LRRC51: variants seen among roughly 807,000 people sequenced by gnomAD.
LRRC51 encodes the protein leucine-rich repeat-containing protein 51.
Under a neutral mutation model 17.8 loss-of-function variants are expected in LRRC51, and 8 were observed. The ratio of observed to expected loss-of-function variants is 0.45; its 90% CI spans 0.26 to 0.81. LRRC51 has a LOEUF of 0.81. LRRC51 is among the 30% of genes least tolerant of loss of function. The pLI is 0.17. For synonymous variants in LRRC51, 92 were observed against 96.0 expected, an observed-to-expected ratio of 0.96 and a Z score of 0.24; for missense variants, 233 against 239.3, an observed-to-expected ratio of 0.97 and a Z score of 0.17.
intron 3 of LRRC51, chr11:72,089,402 G>T (rs1029606899): frequency 6.3e-6 from 9 of 1,433,932 alleles, no homozygotes; most frequent in Non-Finnish European, 8.3e-6. Context: ...GCCCCTGTTT[G>T]TTTTTTTTAA....
Position 72,095,470 on chromosome 11 carries a change from C to T in LRRC51, c.529C>T (p.Arg177Cys), listed in dbSNP as rs138915488. ...ADRTTAEVWK[R>C]MNIKPKKAWT... ...CCGCACCACAGCTGAAGTCTGGAAA[C>T]GCATGAACATCAAGCCCAAGAAGGC... Residue 177 changes from arginine to cysteine, a missense_variant, in exon 6 of 6, where the codon CGC (arginine) becomes TGC (cysteine). Physicochemically the swap from Arg to Cys is radical, Grantham distance 180. Coordinates refer to ENST00000289488, the MANE Select transcript of LRRC51 (RefSeq NM_145309.6). The T allele has an allele frequency of 2.2e-4, 349 of 1,614,078 alleles. 2 individuals carry two copies. The Middle Eastern group carries it at 9.9e-3, about 46-fold the overall frequency.
At chr11:72,081,085 T>G (rs1944149335) in intron 1 of LRRC51, among the ~76,000 whole-genome samples, 200 bp downstream of exon 1, 1 of 152,106 alleles carries the variant, frequency 6.6e-6, no homozygotes, top group Admixed American at 6.6e-5. Flanking sequence ...GAGGGAGGGA[T>G]AGGCGTTGAG....
intron 3 of LRRC51, chr11:72,089,449 T>C (rs1217953022): frequency 7.4e-7 from 1 of 1,354,866 alleles, no homozygotes; most frequent in South Asian, 1.3e-5. Flanking sequence ...GCTATCACAG[T>C]AGTTGATCAT....
intron 1 of LRRC51, 148 bp downstream of exon 1, chr11:72,081,033 A>G (rs141110694): frequency 6.5e-6 from 1 of 152,968 alleles, no homozygotes; most frequent in Admixed American, 6.5e-5. Context: ...ACAGCGAACA[A>G]GATACAACAC....
At chr11:72,092,615 A>ATTTGAGACT (rs1944924250) in intron 3 of LRRC51, among the ~76,000 whole-genome samples, 1 of 152,354 alleles carries the variant, frequency 6.6e-6, no homozygotes, top group South Asian at 2.1e-4. Flanking sequence ...TTAGCCTGAC[A>ATTTGAGACT]TTTGAGACTT....
chr11:72,085,517 A>G (rs1161087251), intron 1 of LRRC51: 1 of 152,072 alleles, frequency 6.6e-6, no homozygotes, highest in Non-Finnish European at 1.5e-5. Context: ...ATTAACAGAG[A>G]ATACAACTGC....
chr11:72,087,723 T>C (rs1027945704), intron 1 of LRRC51, among the ~76,000 whole-genome samples: 2 of 152,220 alleles, frequency 1.3e-5, no homozygotes, highest in Admixed American at 1.3e-4. Flanking sequence ...CTAGTCCAAA[T>C]TGGGATGTGC....
At chr11:72,081,371 T>G (rs1164372110) in intron 1 of LRRC51, among the ~76,000 whole-genome samples, 1 of 152,098 alleles carries the variant, frequency 6.6e-6, no homozygotes, top group Non-Finnish European at 1.5e-5. Flanking sequence ...CAGTGAGCCG[T>G]GATCACGCAA....
intron 2 of LRRC51, chr11:72,088,784 G>T: frequency 1.9e-6 from 1 of 520,458 alleles, no homozygotes; most frequent in Non-Finnish European, 3.4e-6. Flanking sequence ...TCTTCATCTG[G>T]CATTTTCCAG....
intron 3 of LRRC51, chr11:72,089,621 CTG>C (rs1944743585): frequency 8.5e-7 from 1 of 1,178,966 alleles, no homozygotes; most frequent in Non-Finnish European, 1.1e-6. Flanking sequence ...TCTCCTCTGT[CTG>C]CAGACACAAG....
rs758609515 is a variant in LRRC51, at chr11:72,089,175, C to G, written c.82+10C>G. 4.3e-6 allele frequency: 7 copies of G among 1,614,004 alleles called. No individual in the cohort carries two copies. The highest frequency in any genetic ancestry group is 1.3e-5 in the African/African-American group (1 of 74,920). On this transcript the variant is annotated intron_variant, in intron 3 of 5. Coordinates refer to ENST00000289488, the MANE Select transcript of LRRC51 (RefSeq NM_145309.6). ...ATCCACGTCATTCAAGGTCAGCCCC[C>G]AGAGCACAGTACTCCACTCACTAAG... is the stretch of plus-strand genomic sequence containing the variant.
In LRRC51 at chr11:72,088,324, A is replaced by G; in HGVS notation, c.-112A>G. The G allele has an allele frequency of 1.4e-6, 1 of 702,182 alleles. No individual in the cohort carries two copies. The highest frequency in any genetic ancestry group is 2.6e-6 in the Non-Finnish European group (1 of 384,774). 43.5% of individuals were successfully genotyped at this position (702,182 alleles called of 1,614,324 possible). ...AGTATTTCCATTTTAACCGGAAACA[A>G]TCCCTGAACCCACAGGAATGAATGC... On this transcript the variant is annotated 5_prime_UTR_variant, in exon 2 of 6. Coordinates refer to ENST00000289488, the MANE Select transcript of LRRC51 (RefSeq NM_145309.6).
rs766185992 is a variant in LRRC51, at chr11:72,095,549, G to C, written c.*29G>C. ...TCCCACGACCCTAGTAGTCCTAAAGGCCTAAGCATAGACAGCATGGTTTGA... is the reference window on the plus strand; with the variant it reads ...TCCCACGACCCTAGTAGTCCTAAAGCCCTAAGCATAGACAGCATGGTTTGA... On this transcript the variant is annotated 3_prime_UTR_variant, in exon 6 of 6. Transcript: ENST00000289488. The C allele has an allele frequency of 1.1e-5, 17 of 1,609,994 alleles. No individual in the cohort carries two copies. Among genetic ancestry groups the C allele is most frequent in the Non-Finnish European group, 1.4e-5 (17 of 1,178,002 alleles).
At chr11:72,089,811 A>G (rs1337433373) in intron 3 of LRRC51, among the ~76,000 whole-genome samples, 2 of 152,178 alleles carry the variant, frequency 1.3e-5, no homozygotes, top group Admixed American at 6.5e-5. Flanking sequence ...TTGCCATTCA[A>G]TGTCTTTGTA....
intron 1 of LRRC51, among the ~76,000 whole-genome samples, chr11:72,082,322 T>A (rs1944277199): frequency 6.6e-6 from 1 of 152,326 alleles, no homozygotes; most frequent in African/African-American, 2.4e-5. Flanking sequence ...ACTGGTCCAC[T>A]TACTACCTTA....
In LRRC51 at chr11:72,091,025, C is replaced by G. The variant is rs192308844; in HGVS notation, c.82+1860C>G. 1.1e-3 allele frequency among the ~76,000 whole-genome samples: 163 copies of G among 152,276 alleles called. 2 individuals carry two copies. The highest frequency in any genetic ancestry group is 3.9e-3 in the African/African-American group (160 of 41,544). ...GCTTTGGCCTACTCTGAACAAGGAACTTTACAGATTCTTAGGCAGTGTAGT... is the reference window on the plus strand; with the variant it reads ...GCTTTGGCCTACTCTGAACAAGGAAGTTTACAGATTCTTAGGCAGTGTAGT... On this transcript the variant is annotated intron_variant, in intron 3 of 5. Coordinates refer to ENST00000289488, the MANE Select transcript of LRRC51 (RefSeq NM_145309.6).
chr11:72,096,401 C>G lies in LRRC51; in HGVS notation c.*881C>G. ...TAGAAGCGTGAGCCACCACGCCCAG[C>G]CTTTTTTTGTATTTTTAGTAGAGAT... On this transcript the variant is annotated 3_prime_UTR_variant, in exon 6 of 6. Coordinates refer to ENST00000289488, the MANE Select transcript of LRRC51 (RefSeq NM_145309.6). The G allele has an allele frequency of 2.3e-6, 1 of 438,370 alleles. No homozygotes were observed. Among genetic ancestry groups the G allele is most frequent in the Non-Finnish European group, 3.1e-6 (1 of 320,240 alleles). 27.2% of individuals were successfully genotyped at this position (438,370 alleles called of 1,614,324 possible). A position where few individuals can be genotyped will look rare whatever the true frequency, so the allele number is the denominator to read the frequency against.
At chr11:72,091,894 C>A (rs1944885559) in intron 3 of LRRC51, among the ~76,000 whole-genome samples, 1 of 152,188 alleles carries the variant, frequency 6.6e-6, no homozygotes, top group East Asian at 1.9e-4. Flanking sequence ...CACTCTTGAA[C>A]TCACTCACTT....
At position 72,096,542 on chromosome 11, in the gene LRRC51, T is replaced by C; in HGVS notation, c.*1022T>C. ...ATAAGCCACTGCACCTGGCCAGCTC[T>C]AGTCTTATTTTGCTGAAAAAGGGAG... On this transcript the variant is annotated 3_prime_UTR_variant, in exon 6 of 6. Transcript: ENST00000289488. 1.5e-6 allele frequency: 2 copies of C among 1,351,176 alleles called. No homozygotes were observed. Among genetic ancestry groups the C allele is most frequent in the South Asian group, 3.7e-5 (2 of 53,584 alleles). 83.7% of individuals were successfully genotyped at this position (1,351,176 alleles called of 1,614,324 possible). A position where few individuals can be genotyped will look rare whatever the true frequency, so the allele number is the denominator to read the frequency against.
Sources: allele counts gnomAD v4.1 joint callset (sites outside exome capture counted in the v4.1 genomes callset), GRCh38; gene constraint gnomAD v4.1.1; transcripts MANE v1.5; gene names NCBI Gene and HGNC (gene_info 2026-07-23, HGNC 2026-07-21).